Variants in CACNA1E observed in about 807,000 individuals in gnomAD.
CACNA1E encodes calcium voltage-gated channel subunit alpha1 E, also known as voltage-dependent R-type calcium channel subunit alpha-1E.
CACNA1E carries 40 observed loss-of-function variants against 259.2 expected under a neutral mutation model. The observed-to-expected ratio is 0.15, with a 90% CI of 0.12 to 0.20. The LOEUF (loss-of-function observed/expected upper bound fraction) is 0.20. Among genes scored for constraint, CACNA1E ranks in the 10% least tolerant of loss-of-function variants. The pLI is 1.00. For synonymous variants in CACNA1E, 1,104 were observed against 1,138.5 expected, an observed-to-expected ratio of 0.97 and a Z score of 0.61; for missense variants, 1,874 against 3,040.1, an observed-to-expected ratio of 0.62 and a Z score of 9.02.
intron 1 of CACNA1E, among the ~76,000 whole-genome samples, chr1:181,400,154 G>C (rs1045554448): frequency 6.6e-6 from 1 of 152,120 alleles, no homozygotes; most frequent in South Asian, 2.1e-4. Context: ...CAAAACTCAG[G>C]TTATAAAAAT....
At chr1:181,490,678 C>T (rs545842106) in intron 1 of CACNA1E, among the ~76,000 whole-genome samples, 3 of 151,926 alleles carry the variant, frequency 2.0e-5, no homozygotes, top group Non-Finnish European at 4.4e-5. Flanking sequence ...TGGGCTGCAT[C>T]GGTTCTCTTC....
Position 181,726,363 on chromosome 1 carries a change from T to C in CACNA1E, c.2240+201T>C, listed in dbSNP as rs184568264. On this transcript the variant is annotated intron_variant, in intron 18 of 47. Transcript: ENST00000367573. ...AGATAGATAATAAACATGCACATCATTTCAGATAGTGACAGGTGCTATAAG... is the reference window on the plus strand; with the variant it reads ...AGATAGATAATAAACATGCACATCACTTCAGATAGTGACAGGTGCTATAAG... Among the ~76,000 whole-genome samples the C allele has an allele frequency of 7.2e-5, 11 of 152,354 alleles. No individual in the cohort carries two copies. In the East Asian group the frequency reaches 1.9e-3, roughly 27 times the overall value.
intron 6 of CACNA1E, among the ~76,000 whole-genome samples, chr1:181,585,409 G>A (rs1651957237): frequency 6.6e-6 from 1 of 152,188 alleles, no homozygotes; most frequent in Admixed American, 6.5e-5. Flanking sequence ...TAATTTTTAA[G>A]TGGCTACTAT....
chr1:181,604,555 C>T (rs1252353930), intron 6 of CACNA1E, among the ~76,000 whole-genome samples: 1 of 152,334 alleles, frequency 6.6e-6, no homozygotes, highest in East Asian at 1.9e-4. Context: ...CTGCACAGTG[C>T]CAGGCCTCAC....
rs1405474687 is a variant in CACNA1E at position 181,798,691 on chromosome 1, G to T, written c.6799G>T (p.Gly2267Cys). 2 of 1,609,058 alleles carry T rather than the reference G, an allele frequency of 1.2e-6. No homozygotes were observed. ...TAGCCTGGGCCGTTCCAACACCATC[G>T]GCTCAGCCCCACCCCTGCGGCATAG... is the stretch of plus-strand genomic sequence containing the variant. ...ATSLGRSNTI[G>C]SAPPLRHSWQ... is the part of the protein sequence containing the mutation. The change falls in exon 48 of 48, where the codon GGC becomes TGC. Residue 2267 changes from glycine to cysteine, a missense_variant. Gly to Cys is a radical substitution (Grantham distance 159). This residue lies in a region of CACNA1E where 542 missense variants were observed against 587.2 expected (regional missense o/e 0.92). Coordinates refer to ENST00000367573, the MANE Select transcript of CACNA1E (RefSeq NM_001205293.3). The surrounding 1 kb of genome is among the most constrained non-coding windows in gnomAD (Gnocchi z 4.2).
intron 1 of CACNA1E, among the ~76,000 whole-genome samples, chr1:181,332,017 T>C (rs1389595571): frequency 6.6e-6 from 1 of 152,234 alleles, no homozygotes; most frequent in Admixed American, 6.5e-5. Flanking sequence ...ATATACACTA[T>C]GGAATACTAT....
At chr1:181,334,098 A>G (rs1651497635) in intron 1 of CACNA1E, among the ~76,000 whole-genome samples, 1 of 152,224 alleles carries the variant, frequency 6.6e-6, no homozygotes, top group African/African-American at 2.4e-5. Flanking sequence ...TTCCAAGATC[A>G]TAAATGGCCT....
chr1:181,526,175 T>A (rs1426261034), intron 3 of CACNA1E, among the ~76,000 whole-genome samples: 1 of 152,150 alleles, frequency 6.6e-6, no homozygotes, highest in Non-Finnish European at 1.5e-5. Flanking sequence ...ATTAAACATT[T>A]CAAAGGATTT....
chr1:181,546,482 T>C (rs1271263653), intron 3 of CACNA1E, among the ~76,000 whole-genome samples: 2 of 152,192 alleles, frequency 1.3e-5, no homozygotes, highest in Non-Finnish European at 2.9e-5. Context: ...TAAAAGTCCC[T>C]GCTGGGGCCC....
intron 32 of CACNA1E, among the ~76,000 whole-genome samples, chr1:181,760,262 C>T (rs1380355802): frequency 6.6e-6 from 1 of 152,140 alleles, no homozygotes; most frequent in African/African-American, 2.4e-5. Context: ...TCCCACCCTA[C>T]CCCCATGTTT....
intron 1 of CACNA1E, among the ~76,000 whole-genome samples, chr1:181,390,928 T>G (rs1282134299): frequency 6.6e-6 from 1 of 152,186 alleles, no homozygotes; most frequent in African/African-American, 2.4e-5. Context: ...ATGATTGATG[T>G]GCTGATTGGC....
At chr1:181,320,129 C>A (rs997705369) in intron 1 of CACNA1E, among the ~76,000 whole-genome samples, 1 of 152,166 alleles carries the variant, frequency 6.6e-6, no homozygotes, top group African/African-American at 2.4e-5. Context: ...TATACAGTGA[C>A]CCACAGAGTC....
At chr1:181,361,363 A>G (rs1212061624) in intron 1 of CACNA1E, among the ~76,000 whole-genome samples, 1 of 152,146 alleles carries the variant, frequency 6.6e-6, no homozygotes, top group Non-Finnish European at 1.5e-5. Flanking sequence ...TTGTTCTACT[A>G]CCATATGTGG....
chr1:181,348,084 C>A (rs1159010014), intron 1 of CACNA1E, among the ~76,000 whole-genome samples: 2 of 152,056 alleles, frequency 1.3e-5, no homozygotes, highest in Non-Finnish European at 2.9e-5. Flanking sequence ...AACATCCTGA[C>A]AACAGACTCA....
intron 7 of CACNA1E, among the ~76,000 whole-genome samples, chr1:181,677,729 G>A (rs1446725978): frequency 1.3e-5 from 2 of 152,198 alleles, no homozygotes; most frequent in African/African-American, 2.4e-5. Flanking sequence ...TTTCTATCAT[G>A]TAAGAGCAGT....
At position 181,798,141 on chromosome 1, in the gene CACNA1E, C is replaced by CT. The variant is rs1661969949; in HGVS notation, c.6400-146dup. ...CTTGACTCCTTAATCTCTTCAATCC[C>CT]TTTTTCCCTGAGTGGATGTGAATAC... On this transcript the variant is annotated intron_variant, in intron 47 of 47. Coordinates refer to ENST00000367573, the MANE Select transcript of CACNA1E (RefSeq NM_001205293.3). The surrounding 1 kb of genome is among the most constrained non-coding windows in gnomAD (Gnocchi z 4.2). The CT allele has an allele frequency of 6.2e-6, 4 of 648,160 alleles. No individual in the cohort carries two copies. The highest frequency in any genetic ancestry group is 1.8e-5 in the African/African-American group (1 of 55,492). The allele number at this position is 648,160 out of a possible 1,614,324, so 40.2% of individuals were successfully genotyped here. A position where few individuals can be genotyped will look rare whatever the true frequency, so the allele number is the denominator to read the frequency against.
At chr1:181,592,583 A>C (rs544898896) in intron 6 of CACNA1E, among the ~76,000 whole-genome samples, 6 of 152,114 alleles carry the variant, frequency 3.9e-5, no homozygotes, top group African/African-American at 9.6e-5. Flanking sequence ...TTAGCAGTTT[A>C]TTTCTGTGAC....
intron 1 of CACNA1E, among the ~76,000 whole-genome samples, chr1:181,398,826 G>T (rs1053533273): frequency 1.3e-5 from 2 of 152,152 alleles, no homozygotes; most frequent in African/African-American, 4.8e-5. Flanking sequence ...TTCATCAAGC[G>T]AAAACCAACA....
intron 7 of CACNA1E, among the ~76,000 whole-genome samples, chr1:181,665,633 T>C (rs1440357827): frequency 1.3e-5 from 2 of 152,162 alleles, no homozygotes; most frequent in Admixed American, 6.5e-5. Flanking sequence ...AAAGAAATGA[T>C]ACATGCATGA....
Sources: gnomAD v4.1 joint callset for allele counts (sites outside exome capture counted in the v4.1 genomes callset) on GRCh38, gnomAD v4.1.1 for gene constraint, gnomAD v4.1.1 regional missense constraint, Gnocchi (gnomAD v3.1) non-coding constraint, MANE v1.5 for transcripts, NCBI Gene and HGNC (gene_info 2026-07-23, HGNC 2026-07-21) for gene names.